Variants in CORO1C observed in about 807,000 individuals in gnomAD.
The protein encoded by CORO1C is coronin-1C.
A neutral mutation model predicts 51.2 loss-of-function variants in CORO1C; 14 were observed. That is an observed-to-expected ratio of 0.27 (90% CI 0.18 to 0.43). The LOEUF (loss-of-function observed/expected upper bound fraction) is 0.43. Ranked by LOEUF, CORO1C falls within the 20% of genes least tolerant of loss-of-function variation. CORO1C has a pLI of 1.00. For missense variants in CORO1C, 417 were observed against 607.8 expected (o/e 0.69, Z 3.30); for synonymous variants, 181 against 210.5 (o/e 0.86, Z 1.21).
chr12:108,700,950 T>C lies in CORO1C; in HGVS notation c.195+174A>G, dbSNP rs2034848380. On this transcript the variant is annotated intron_variant, in intron 2 of 10. Transcript: ENST00000261401. ...CAGAGGTCACTATTCTATTTAATGA[T>C]TCTCTGTTAGAGAAAAACTGATGTG... is the stretch of plus-strand genomic sequence containing the variant. The C allele has an allele frequency of 7.1e-6, 5 of 707,330 alleles. No individual in the cohort carries two copies. The East Asian group carries it at 1.3e-4, about 18-fold the overall frequency. 43.8% of individuals were successfully genotyped at this position (707,330 alleles called of 1,614,324 possible). A position where few individuals can be genotyped will look rare whatever the true frequency, so the allele number is the denominator to read the frequency against.
intron 6 of CORO1C, among the ~76,000 whole-genome samples, chr12:108,656,926 T>A (rs2033048613): frequency 6.6e-6 from 1 of 152,046 alleles, no homozygotes; most frequent in African/African-American, 2.4e-5. Context: ...GGCCGCAGGG[T>A]CCTCTCCCTA....
chr12:108,649,200 C>A, intron 8 of CORO1C, 180 bp from the exon 9 acceptor site: 2 of 670,940 alleles, frequency 3.0e-6, no homozygotes, highest in Non-Finnish European at 5.1e-6. Context: ...GATGAGAGAA[C>A]GGAAGCTGAG....
rs1388155074 is a variant in CORO1C, at chr12:108,654,398, C to T, written c.763G>A (p.Glu255Lys). 1.2e-6 allele frequency: 2 copies of T among 1,607,808 alleles called. No homozygotes were observed. The highest frequency in any genetic ancestry group is 3.3e-5 in the Admixed American group (2 of 59,904). Residue 255 changes from glutamate (E) to lysine (K), a missense_variant, in exon 7 of 11, where the codon GAA (glutamate) becomes AAA (lysine). Transcript: ENST00000261401. ...TCCATCTCATGAAGAGCAATTGGTTCCTGCATATTTTTCTGGGGGGAAGAT... is the reference window on the plus strand; with the variant it reads ...TCCATCTCATGAAGAGCAATTGGTTTCTGCATATTTTTCTGGGGGGAAGAT... Reference protein sequence around the residue: ...LALWNPKNMQEPIALHEMDTS... With the variant: ...LALWNPKNMQKPIALHEMDTS...
chr12:108,705,426 C>T (rs2034997741), intron 1 of CORO1C, among the ~76,000 whole-genome samples: 1 of 142,922 alleles, frequency 7.0e-6, no homozygotes, highest in Non-Finnish European at 1.5e-5. Context: ...CGCCACTGCA[C>T]TCCAGCCTAG....
chr12:108,649,253 G>A, intron 8 of CORO1C: 3 of 582,978 alleles, frequency 5.1e-6, no homozygotes, highest in Non-Finnish European at 6.1e-6. Flanking sequence ...CAAGAACCAT[G>A]AGTAGAGGTC....
At chr12:108,709,232 T>G (rs1279198693) in intron 1 of CORO1C, among the ~76,000 whole-genome samples, 2 of 152,164 alleles carry the variant, frequency 1.3e-5, no homozygotes, top group African/African-American at 4.8e-5. Flanking sequence ...GTACTCAGCA[T>G]AGAATCTGAA....
At chr12:108,727,308 A>G (rs1406431288) in intron 1 of CORO1C, among the ~76,000 whole-genome samples, 2 of 152,260 alleles carry the variant, frequency 1.3e-5, no homozygotes, top group African/African-American at 4.8e-5. Context: ...GGAAGTTTTC[A>G]TGGAGGAAAA....
At chr12:108,668,208 C>T (rs984994470) in intron 3 of CORO1C, among the ~76,000 whole-genome samples, 1 of 152,218 alleles carries the variant, frequency 6.6e-6, no homozygotes, top group Non-Finnish European at 1.5e-5. Context: ...CCCACAAAGG[C>T]CTGCATGTAG....
intron 3 of CORO1C, among the ~76,000 whole-genome samples, chr12:108,670,108 A>G (rs2033658426): frequency 6.6e-6 from 1 of 152,222 alleles, no homozygotes; most frequent in Non-Finnish European, 1.5e-5. Context: ...AGACAGAGCT[A>G]GCAGAAAACA....
At chr12:108,712,339 T>C (rs2035205441) in intron 1 of CORO1C, among the ~76,000 whole-genome samples, 1 of 151,884 alleles carries the variant, frequency 6.6e-6, no homozygotes, top group Non-Finnish European at 1.5e-5. Context: ...TTTAGGCAAC[T>C]GAGACAGGTG....
At chr12:108,674,301 A>G (rs765637670) in intron 3 of CORO1C, among the ~76,000 whole-genome samples, 52 of 152,146 alleles carry the variant, frequency 3.4e-4, no homozygotes, top group Non-Finnish European at 7.1e-4. Flanking sequence ...GGTGGCTCAC[A>G]CCTTTGGGAG....
At chr12:108,730,041 T>A (rs1462443119) in intron 1 of CORO1C, 1 of 152,210 alleles carries the variant, frequency 6.6e-6, no homozygotes, top group Admixed American at 6.5e-5. Context: ...GGTAACTATT[T>A]CCAAAAGTAA....
intron 1 of CORO1C, among the ~76,000 whole-genome samples, chr12:108,717,705 C>T (rs999189542): frequency 3.3e-5 from 5 of 152,306 alleles, no homozygotes; most frequent in African/African-American, 1.2e-4. Flanking sequence ...GGTGTGGAGA[C>T]TTACTTACTA....
intron 2 of CORO1C, chr12:108,700,919 C>G: frequency 1.7e-6 from 1 of 593,636 alleles, no homozygotes; most frequent in South Asian, 2.1e-5. Context: ...GAGGGCATCC[C>G]CAGAACAGAG....
At chr12:108,686,726 A>T (rs1485448094) in intron 2 of CORO1C, among the ~76,000 whole-genome samples, 1 of 152,228 alleles carries the variant, frequency 6.6e-6, no homozygotes, top group Non-Finnish European at 1.5e-5. Context: ...AAAAATGGCC[A>T]GCACCAAGTT....
intron 3 of CORO1C, among the ~76,000 whole-genome samples, chr12:108,674,364 T>C (rs193301018): frequency 2.7e-4 from 41 of 152,054 alleles, no homozygotes; most frequent in African/African-American, 8.0e-4. Context: ...CTGGCTAACA[T>C]GGTGAAACTC....
intron 1 of CORO1C, among the ~76,000 whole-genome samples, chr12:108,713,255 C>T (rs967168939): frequency 1.3e-5 from 2 of 152,174 alleles, no homozygotes; most frequent in Non-Finnish European, 2.9e-5. Context: ...CTGATATGGA[C>T]TTGTTGAAAA....
At chr12:108,670,703 G>A (rs1207636661) in intron 3 of CORO1C, among the ~76,000 whole-genome samples, 4 of 151,824 alleles carry the variant, frequency 2.6e-5, no homozygotes, top group African/African-American at 7.3e-5. Context: ...AATCAAGGTT[G>A]AACTCCAAAA....
chr12:108,689,603 A>G (rs2034426226), intron 2 of CORO1C, among the ~76,000 whole-genome samples: 1 of 152,204 alleles, frequency 6.6e-6, no homozygotes, highest in Non-Finnish European at 1.5e-5. Context: ...TATGCCTATT[A>G]TCCAGACTGG....
Sources: allele counts gnomAD v4.1 joint callset (sites outside exome capture counted in the v4.1 genomes callset), GRCh38; gene constraint gnomAD v4.1.1; transcripts MANE v1.5; gene names NCBI Gene and HGNC (gene_info 2026-07-23, HGNC 2026-07-21).